The following ASB18 variants were observed in gnomAD, a reference collection of about 807,000 sequenced individuals.
ASB18 encodes the protein ankyrin repeat and SOCS box protein 18.
ASB18 carries 33 observed loss-of-function variants against 33.4 expected under a neutral mutation model. That is an observed-to-expected ratio of 0.99 (90% CI 0.75 to 1.32). ASB18 has a LOEUF of 1.32. ASB18 is among the 40% of genes most tolerant of loss of function. The pLI, the probability that ASB18 is intolerant of heterozygous loss-of-function variation, is 0.00. For synonymous variants in ASB18, 295 were observed against 307.6 expected (o/e 0.96, Z 0.43); for missense variants, 694 against 655.5 (o/e 1.06, Z -0.64).
rs1259966613 is a variant in ASB18, at chr2:236,237,691, G to T, written c.594C>A (p.Leu198=). 5.5e-6 allele frequency: 8 copies of T among 1,449,830 alleles called. No individual in the cohort carries two copies. The highest frequency in any genetic ancestry group is 2.5e-5 in the Admixed American group (1 of 39,554). 89.8% of individuals were successfully genotyped at this position (1,449,830 alleles called of 1,614,324 possible). Reference sequence around the variant, plus strand: ...CGGGCCTGTCCCGAGGTCCTTACCCGAGCGAGGCGGCCGTGCGGCAGAGGT... The same window carrying T: ...CGGGCCTGTCCCGAGGTCCTTACCCTAGCGAGGCGGCCGTGCGGCAGAGGT... ...PLHLCRTAAS[L]GCAQALLEHG... Residue 198 remains leucine (L), a splice_region_variant and synonymous_variant, in exon 3 of 6, where the codon CTC becomes CTA. Coordinates refer to ENST00000409749, the MANE Select transcript of ASB18 (RefSeq NM_212556.4). The surrounding 1 kb of genome is among the most constrained non-coding windows in gnomAD (Gnocchi z 6.2).
chr2:236,222,561 C>T lies in ASB18; in HGVS notation c.597-7695G>A, dbSNP rs78629563. 0.014 allele frequency among the ~76,000 whole-genome samples: 2,119 copies of T among 152,296 alleles called. 26 individuals carry two copies. Among genetic ancestry groups the T allele is most frequent in the East Asian group, 0.032 (168 of 5,180 alleles). On this transcript the variant is annotated intron_variant, in intron 3 of 5. Transcript: ENST00000409749. The surrounding 1 kb of genome is among the most constrained non-coding windows in gnomAD (Gnocchi z 5.5). ...CCCATGATATAGTTTGGATATTTAT[C>T]ACTGCTGAAATCTCATATTGAAATG...
intron 3 of ASB18, among the ~76,000 whole-genome samples, chr2:236,233,373 A>G (rs901372907): frequency 6.6e-6 from 1 of 152,134 alleles, no homozygotes; most frequent in African/African-American, 2.4e-5. Flanking sequence ...ATCAACAGGA[A>G]CAAGAAAAAT....
Position 236,211,237 on chromosome 2 carries a change from A to T in ASB18, c.1101+3125T>A, listed in dbSNP as rs2060457347. Reference sequence around the variant, plus strand: ...ATCTTCCAGAATCCAAACCTGCCAGAATCCACAGCCTGCCCCCTATGCCTG... The same window carrying T: ...ATCTTCCAGAATCCAAACCTGCCAGTATCCACAGCCTGCCCCCTATGCCTG... On this transcript the variant is annotated intron_variant, in intron 4 of 5. Coordinates refer to ENST00000409749, the MANE Select transcript of ASB18 (RefSeq NM_212556.4). This position sits in a 1 kb window ranked among gnomAD's most constrained non-coding sequence, Gnocchi z 5.0. 2.6e-5 allele frequency among the ~76,000 whole-genome samples: 4 copies of T among 152,146 alleles called. 1 individual carries two copies. Among genetic ancestry groups the T allele is most frequent in the Non-Finnish European group, 5.9e-5 (4 of 68,026 alleles).
Position 236,219,695 on chromosome 2 carries a change from G to C in ASB18, c.597-4829C>G, listed in dbSNP as rs2060502224. Among the ~76,000 whole-genome samples, 1 of 152,194 alleles carries C rather than the reference G, an allele frequency of 6.6e-6. No homozygotes were observed. Among genetic ancestry groups the C allele is most frequent in the African/African-American group, 2.4e-5 (1 of 41,448 alleles). On this transcript the variant is annotated intron_variant, in intron 3 of 5. Coordinates refer to ENST00000409749, the MANE Select transcript of ASB18 (RefSeq NM_212556.4). This position sits in a 1 kb window ranked among gnomAD's most constrained non-coding sequence, Gnocchi z 6.4. ...CTTCTCTGTATCAATGCCACCAGTGGAAGAAGAAATAGCTCAGTAGGGAAA... is the reference window on the plus strand; with the variant it reads ...CTTCTCTGTATCAATGCCACCAGTGCAAGAAGAAATAGCTCAGTAGGGAAA...
In ASB18 at chr2:236,237,818, AGGGCGCCGC is replaced by A. The variant is rs2060602340; in HGVS notation, c.458_466del (p.Arg153_Ala155del). The A allele has an allele frequency of 7.3e-7, 1 of 1,376,698 alleles. No individual in the cohort carries two copies. The highest frequency in any genetic ancestry group is 1.7e-5 in the South Asian group (1 of 59,028). The allele number at this position is 1,376,698 out of a possible 1,614,324, so 85.3% of individuals were successfully genotyped here. A position where few individuals can be genotyped will look rare whatever the true frequency, so the allele number is the denominator to read the frequency against. On this transcript the variant is annotated inframe_deletion, in exon 3 of 6. Transcript: ENST00000409749. This position sits in a 1 kb window ranked among gnomAD's most constrained non-coding sequence, Gnocchi z 6.2. ...GTGGCCCCCGAGGCAGGCCTCGTGC[AGGGCGCCGC>A]GGCCGCCGGGGCTGGCGTCTGGGTC...
rs1358582583 is a variant in ASB18, at chr2:236,250,148, T to A, written c.206-8746A>T. The stretch of plus-strand genomic sequence containing the variant: ...GTTTGAATGGTAACTATTATTTTCA[T>A]GTGACATTGGGATCTTTTCTTCTTG... On this transcript the variant is annotated intron_variant, in intron 1 of 5. Coordinates refer to ENST00000409749, the MANE Select transcript of ASB18 (RefSeq NM_212556.4). This position sits in a 1 kb window ranked among gnomAD's most constrained non-coding sequence, Gnocchi z 4.1. The A allele has an allele frequency of 6.6e-6, 1 of 152,254 alleles. No individual in the cohort carries two copies. Among genetic ancestry groups the A allele is most frequent in the South Asian group, 2.1e-4 (1 of 4,830 alleles). The allele number at this position is 152,254 out of a possible 1,614,324, so 9.4% of individuals were successfully genotyped here.
rs1026626276 is a variant in ASB18 at position 236,257,629 on chromosome 2, G to T, written c.205+6512C>A. Among the ~76,000 whole-genome samples the T allele has an allele frequency of 6.6e-6, 1 of 152,156 alleles. No individual in the cohort carries two copies. The highest frequency in any genetic ancestry group is 1.5e-5 in the Non-Finnish European group (1 of 68,024). ...TTCACTGGGAAGTTTTTTCAGGGAC[G>T]TTCCTGCAAAATGTCTCTGGGTGGG... On this transcript the variant is annotated intron_variant, in intron 1 of 5. Transcript: ENST00000409749. This position sits in a 1 kb window ranked among gnomAD's most constrained non-coding sequence, Gnocchi z 5.5.
Position 236,253,676 on chromosome 2 carries a change from C to T in ASB18, c.205+10465G>A, listed in dbSNP as rs2060679041. On this transcript the variant is annotated intron_variant, in intron 1 of 5. Transcript: ENST00000409749. This position sits in a 1 kb window ranked among gnomAD's most constrained non-coding sequence, Gnocchi z 5.4. The stretch of plus-strand genomic sequence containing the variant: ...GTGCTGGGATTACAGGTCTGAGCTA[C>T]TTCACCTGGTCTGATTCTCTTTCAA... The T allele has an allele frequency of 6.6e-6, 1 of 152,112 alleles. No homozygotes were observed. The highest frequency in any genetic ancestry group is 1.5e-5 in the Non-Finnish European group (1 of 68,036). The allele number at this position is 152,112 out of a possible 1,614,324, so 9.4% of individuals were successfully genotyped here.
chr2:236,201,490 G>A (rs1351290933), intron 4 of ASB18, among the ~76,000 whole-genome samples: 1 of 152,052 alleles, frequency 6.6e-6, no homozygotes, highest in Non-Finnish European at 1.5e-5. Flanking sequence ...AATAACTGTT[G>A]AGGCAGTAGT....
At position 236,235,651 on chromosome 2, in the gene ASB18, G is replaced by T. The variant is rs1295619266; in HGVS notation, c.596+2038C>A. 1.3e-5 allele frequency among the ~76,000 whole-genome samples: 2 copies of T among 152,204 alleles called. No homozygotes were observed. The highest frequency in any genetic ancestry group is 2.9e-5 in the Non-Finnish European group (2 of 68,036). On this transcript the variant is annotated intron_variant, in intron 3 of 5. Transcript: ENST00000409749. This position sits in a 1 kb window ranked among gnomAD's most constrained non-coding sequence, Gnocchi z 6.2. ...AAAGCAACTGGAACATGCAGACATC[G>T]CTGGTGCGGATGTAAAATGGTACAA...
chr2:236,254,743 T>C (rs1417922699), intron 1 of ASB18, among the ~76,000 whole-genome samples: 1 of 152,152 alleles, frequency 6.6e-6, no homozygotes, highest in Non-Finnish European at 1.5e-5. Context: ...CCATCGTTGA[T>C]GGGAACAAGA....
At position 236,260,283 on chromosome 2, in the gene ASB18, G is replaced by A. The variant is rs1332380105; in HGVS notation, c.205+3858C>T. On this transcript the variant is annotated intron_variant, in intron 1 of 5. Transcript: ENST00000409749. The surrounding 1 kb of genome is among the most constrained non-coding windows in gnomAD (Gnocchi z 5.1). The stretch of plus-strand genomic sequence containing the variant: ...TGACCCTCGACTCTTGCCTTCTCCT[G>A]GCTCAGGTGGGCATCACCAGCTCTG... 1.3e-5 allele frequency among the ~76,000 whole-genome samples: 2 copies of A among 152,102 alleles called. No homozygotes were observed. The highest frequency in any genetic ancestry group is 1.3e-4 in the Admixed American group (2 of 15,278).
intron 4 of ASB18, among the ~76,000 whole-genome samples, chr2:236,202,918 T>C (rs2060412401): frequency 6.6e-6 from 1 of 151,786 alleles, no homozygotes; most frequent in Non-Finnish European, 1.5e-5. Flanking sequence ...TCTTCTCCCT[T>C]CCTTTCTTAA....
rs1332259055 is a variant in ASB18 at position 236,264,062 on chromosome 2, C to T, written c.205+79G>A. The T allele has an allele frequency of 2.3e-6, 3 of 1,296,658 alleles. No homozygotes were observed. Among genetic ancestry groups the T allele is most frequent in the African/African-American group, 1.5e-5 (1 of 68,400 alleles). The allele number at this position is 1,296,658 out of a possible 1,614,324, so 80.3% of individuals were successfully genotyped here. On this transcript the variant is annotated intron_variant, in intron 1 of 5. Coordinates refer to ENST00000409749, the MANE Select transcript of ASB18 (RefSeq NM_212556.4). The surrounding 1 kb of genome is among the most constrained non-coding windows in gnomAD (Gnocchi z 5.1). Reference sequence around the variant, plus strand: ...ATTTACTTTTTCCAAACATTTGCCCCTCTACCTCCAGGATCTGCCCACCCC... The same window carrying T: ...ATTTACTTTTTCCAAACATTTGCCCTTCTACCTCCAGGATCTGCCCACCCC...
rs765329123 is a variant in ASB18 at position 236,237,987 on chromosome 2, G to C, written c.329-31C>G. 18 of 1,452,686 alleles carry C rather than the reference G, an allele frequency of 1.2e-5. No homozygotes were observed. The highest frequency in any genetic ancestry group is 2.7e-6 in the Non-Finnish European group (3 of 1,111,368). 90.0% of individuals were successfully genotyped at this position (1,452,686 alleles called of 1,614,324 possible). A position where few individuals can be genotyped will look rare whatever the true frequency, so the allele number is the denominator to read the frequency against. ...GGGAGGGAGGTGGGATGTAAGGTCA[G>C]GGGGAGGTTAGTTGTGGTGGTGGTG... On this transcript the variant is annotated intron_variant, in intron 2 of 5. Transcript: ENST00000409749. The surrounding 1 kb of genome is among the most constrained non-coding windows in gnomAD (Gnocchi z 6.2).
rs1157484029 is a variant in ASB18, at chr2:236,237,355, GCGGGGCGGGGGCCGGGGC to G, written c.596+316_596+333del. Among the ~76,000 whole-genome samples the G allele has an allele frequency of 2.2e-4, 10 of 44,472 alleles. No homozygotes were observed. Among genetic ancestry groups the G allele is most frequent in the East Asian group, 7.4e-4 (1 of 1,346 alleles). The allele number at this position is 44,472 out of a possible 152,430, so 29.2% of individuals were successfully genotyped here. A position where few individuals can be genotyped will look rare whatever the true frequency, so the allele number is the denominator to read the frequency against. On this transcript the variant is annotated intron_variant, in intron 3 of 5. Transcript: ENST00000409749. The surrounding 1 kb of genome is among the most constrained non-coding windows in gnomAD (Gnocchi z 6.2). The stretch of plus-strand genomic sequence containing the variant: ...AACCCGCGGGGGCCGGGGCCGGGGC[GCGGGGCGGGGGCCGGGGC>G]CGGGGCGCGGGGCGGGGGCCGGGGC...
rs2060664232 is a variant in ASB18 at position 236,250,598 on chromosome 2, C to G, written c.206-9196G>C. 6.6e-6 allele frequency: 1 copy of G among 152,222 alleles called. No individual in the cohort carries two copies. The highest frequency in any genetic ancestry group is 1.5e-5 in the Non-Finnish European group (1 of 68,046). The allele number at this position is 152,222 out of a possible 1,614,324, so 9.4% of individuals were successfully genotyped here. On this transcript the variant is annotated intron_variant, in intron 1 of 5. Coordinates refer to ENST00000409749, the MANE Select transcript of ASB18 (RefSeq NM_212556.4). The surrounding 1 kb of genome is among the most constrained non-coding windows in gnomAD (Gnocchi z 4.1). ...GTAAATGGCCATGTACTAAGTCTGA[C>G]TGGACTCTAGGATAATAACATCACT...
At chr2:236,243,055 G>A (rs1239233385) in intron 1 of ASB18, among the ~76,000 whole-genome samples, 1 of 144,542 alleles carries the variant, frequency 6.9e-6, no homozygotes, top group Non-Finnish European at 1.5e-5. Context: ...AAAGGGCTGG[G>A]CGCAGTGGCT....
Position 236,194,111 on chromosome 2 carries a change from TA to T in ASB18, c.*760del, listed in dbSNP as rs754057875. On this transcript the variant is annotated 3_prime_UTR_variant, in exon 6 of 6. Coordinates refer to ENST00000409749, the MANE Select transcript of ASB18 (RefSeq NM_212556.4). This position sits in a 1 kb window ranked among gnomAD's most constrained non-coding sequence, Gnocchi z 4.5. ...TGAATGAATACAAATTATTGTAAAG[TA>T]AAAATTCATAAGGCATACAATAATC... is the stretch of plus-strand genomic sequence containing the variant. Among the ~76,000 whole-genome samples, 38 of 151,226 alleles carry T rather than the reference TA, an allele frequency of 2.5e-4. No homozygotes were observed. Among genetic ancestry groups the T allele is most frequent in the Non-Finnish European group, 5.3e-4 (36 of 68,026 alleles).
Sources: gnomAD v4.1 joint callset for allele counts (sites outside exome capture counted in the v4.1 genomes callset) on GRCh38, gnomAD v4.1.1 for gene constraint, Gnocchi (gnomAD v3.1) non-coding constraint, MANE v1.5 for transcripts, NCBI Gene and HGNC (gene_info 2026-07-23, HGNC 2026-07-21) for gene names.